MARCHF1: variants seen among roughly 807,000 people sequenced by gnomAD.
MARCHF1 encodes membrane associated ring-CH-type finger 1.
Under a neutral mutation model 54.2 loss-of-function variants are expected in MARCHF1, and 40 were observed. The observed-to-expected ratio is 0.74, with a 90% CI of 0.57 to 0.96. MARCHF1 has a LOEUF of 0.96. Ranked by LOEUF, MARCHF1 falls within the 40% of genes least tolerant of loss-of-function variation. The probability of loss-of-function intolerance (pLI) is 0.00; values close to 1 mark genes in which losing one functional copy is unlikely to be tolerated. For synonymous variants in MARCHF1, 236 were observed against 236.3 expected, an observed-to-expected ratio of 1.00 and a Z score of 0.01; for missense variants, 586 against 656.5, an observed-to-expected ratio of 0.89 and a Z score of 1.17.
intron 5 of MARCHF1, among the ~76,000 whole-genome samples, chr4:163,658,201 T>G (rs1743218963): frequency 6.7e-6 from 1 of 148,342 alleles, no homozygotes; most frequent in Non-Finnish European, 1.5e-5. Flanking sequence ...CTTAAACAAA[T>G]TTACAAGAAA....
At chr4:163,597,258 C>T (rs1740806840) in intron 7 of MARCHF1, among the ~76,000 whole-genome samples, 1 of 152,080 alleles carries the variant, frequency 6.6e-6, no homozygotes, top group South Asian at 2.1e-4. Context: ...ACGCCTGGCC[C>T]TTTCCCAATT....
intron 1 of MARCHF1, among the ~76,000 whole-genome samples, chr4:164,203,425 A>G (rs1731510712): frequency 1.3e-5 from 2 of 152,170 alleles, no homozygotes; most frequent in African/African-American, 4.8e-5. Context: ...CTGGAGACTC[A>G]GCAAAGAGTT....
chr4:164,176,675 C>G (rs890941806), intron 1 of MARCHF1, among the ~76,000 whole-genome samples: 1 of 151,832 alleles, frequency 6.6e-6, no homozygotes, highest in Non-Finnish European at 1.5e-5. Context: ...AGAGATAGTC[C>G]ATTTTTGTGT....
At chr4:163,530,029 C>T (rs1301456300) in intron 9 of MARCHF1, 1 of 151,814 alleles carries the variant, frequency 6.6e-6, no homozygotes, top group Non-Finnish European at 1.5e-5. Flanking sequence ...AATTGAGAGT[C>T]TATGATTTGA....
chr4:163,907,376 G>C (rs1005964774), intron 3 of MARCHF1, among the ~76,000 whole-genome samples: 17 of 152,002 alleles, frequency 1.1e-4, no homozygotes, highest in African/African-American at 3.6e-4. Flanking sequence ...GGTGACAAAT[G>C]AGTTGCAAAG....
chr4:164,309,568 T>C (rs1734792766), intron 1 of MARCHF1, among the ~76,000 whole-genome samples: 1 of 152,198 alleles, frequency 6.6e-6, no homozygotes, highest in Non-Finnish European at 1.5e-5. Flanking sequence ...ATCATGATTT[T>C]TATTAATCAC....
intron 3 of MARCHF1, among the ~76,000 whole-genome samples, chr4:163,973,875 T>G (rs1752599249): frequency 6.6e-6 from 1 of 152,238 alleles, no homozygotes; most frequent in Non-Finnish European, 1.5e-5. Flanking sequence ...ACTAATTTAA[T>G]GAAGTGAATT....
intron 2 of MARCHF1, among the ~76,000 whole-genome samples, chr4:164,063,017 G>A (rs771424301): frequency 2.6e-5 from 4 of 152,156 alleles, no homozygotes; most frequent in Non-Finnish European, 5.9e-5. Context: ...TTTGCTTGTT[G>A]TTTTCTGAGC....
At chr4:164,248,127 C>G (rs899116062) in intron 1 of MARCHF1, among the ~76,000 whole-genome samples, 1 of 151,824 alleles carries the variant, frequency 6.6e-6, no homozygotes, top group Non-Finnish European at 1.5e-5. Context: ...TATATTATAC[C>G]TGAAGTACTC....
chr4:164,263,507 T>C (rs531496885), intron 1 of MARCHF1, among the ~76,000 whole-genome samples: 10 of 152,270 alleles, frequency 6.6e-5, no homozygotes, highest in East Asian at 1.9e-4. Flanking sequence ...AGCAATCCTC[T>C]TGTATTAGTC....
At chr4:163,537,459 G>A (rs1738573557) in intron 9 of MARCHF1, among the ~76,000 whole-genome samples, 1 of 152,208 alleles carries the variant, frequency 6.6e-6, no homozygotes, top group Non-Finnish European at 1.5e-5. Flanking sequence ...ACTTCAAAAT[G>A]CCGGGAGCAC....
chr4:163,828,016 C>CAT (rs1246281950), intron 4 of MARCHF1, among the ~76,000 whole-genome samples: 1 of 10,368 alleles, frequency 9.6e-5, no homozygotes, highest in East Asian at 1.6e-3. Flanking sequence ...CGCAGGCATA[C>CAT]ACACACACAC....
At chr4:164,191,272 T>A (rs1731116883) in intron 1 of MARCHF1, among the ~76,000 whole-genome samples, 1 of 152,228 alleles carries the variant, frequency 6.6e-6, no homozygotes, top group Non-Finnish European at 1.5e-5. Context: ...ATGCTGTGTT[T>A]GCACAAATGC....
intron 1 of MARCHF1, among the ~76,000 whole-genome samples, chr4:164,277,898 T>A (rs1319752497): frequency 1.3e-5 from 2 of 152,278 alleles, no homozygotes; most frequent in South Asian, 4.1e-4. Flanking sequence ...TCCTTTAAAT[T>A]AGGATGGCAA....
At chr4:164,186,270 T>TTCAGGATCTCC (rs1394032607) in intron 1 of MARCHF1, among the ~76,000 whole-genome samples, 7 of 152,194 alleles carry the variant, frequency 4.6e-5, no homozygotes, top group African/African-American at 1.7e-4. Context: ...ACGTGTTAAA[T>TTCAGGATCTCC]TCAGGATCTC....
At chr4:164,100,902 C>T (rs571914220) in intron 2 of MARCHF1, among the ~76,000 whole-genome samples, 10 of 152,212 alleles carry the variant, frequency 6.6e-5, no homozygotes, top group East Asian at 1.9e-4. Flanking sequence ...TCAGTGGGTG[C>T]GCGCACAGTG....
chr4:164,330,965 C>T (rs1735419774), intron 1 of MARCHF1, among the ~76,000 whole-genome samples: 1 of 152,122 alleles, frequency 6.6e-6, no homozygotes, highest in Non-Finnish European at 1.5e-5. Flanking sequence ...CAGAAAAGCA[C>T]ATCCATTCCT....
intron 2 of MARCHF1, among the ~76,000 whole-genome samples, chr4:164,052,135 G>GTTTTTTTTTTTTTTT (rs5863653): frequency 8.1e-6 from 1 of 123,748 alleles, no homozygotes. Context: ...TCTTTTGGAA[G>GTTTTTTTTTTTTTTT]TTTTTTTTTT....
At chr4:164,164,081 C>T (rs543039397) in intron 1 of MARCHF1, among the ~76,000 whole-genome samples, 1 of 151,878 alleles carries the variant, frequency 6.6e-6, no homozygotes, top group East Asian at 1.9e-4. Context: ...CCTACTAAAG[C>T]AGTTCTTAAG....
Sources: allele counts gnomAD v4.1 joint callset (sites outside exome capture counted in the v4.1 genomes callset), GRCh38; gene constraint gnomAD v4.1.1; transcripts MANE v1.5; gene names NCBI Gene and HGNC (gene_info 2026-07-23, HGNC 2026-07-21).